The following PACS1 variants were observed in gnomAD, a reference collection of about 807,000 sequenced individuals.
The protein encoded by PACS1 is phosphofurin acidic cluster sorting protein 1.
PACS1 carries 24 observed loss-of-function variants against 115.0 expected under a neutral mutation model. The ratio of observed to expected loss-of-function variants is 0.21; its 90% confidence interval spans 0.15 to 0.29. The LOEUF (loss-of-function observed/expected upper bound fraction) is 0.29, where lower values mean the gene tolerates loss of function less well. PACS1 is among the 10% of genes least tolerant of loss of function. PACS1 has a pLI of 1.00. For synonymous variants in PACS1, 453 were observed against 504.5 expected, an observed-to-expected ratio of 0.90 and a Z score of 1.37; for missense variants, 838 against 1,251.2, an observed-to-expected ratio of 0.67 and a Z score of 4.98.
At position 66,070,400 on chromosome 11, in the gene PACS1, C is replaced by A; in HGVS notation, c.-87C>A. 1.2e-6 allele frequency: 1 copy of A among 813,766 alleles called. No individual in the cohort carries two copies. Among genetic ancestry groups the A allele is most frequent in the Non-Finnish European group, 1.6e-6 (1 of 620,858 alleles). The allele number at this position is 813,766 out of a possible 1,614,324, so 50.4% of individuals were successfully genotyped here. A position where few individuals can be genotyped will look rare whatever the true frequency, so the allele number is the denominator to read the frequency against. ...TCGGGCAGGCGGGCTGAGGAGGCTG[C>A]CGCGCCCCCGCCGCCGCCGCCGCGG... On this transcript the variant is annotated 5_prime_UTR_variant, in exon 1 of 24. Transcript: ENST00000320580. The surrounding 1 kb of genome is among the most constrained non-coding windows in gnomAD (Gnocchi z 5.9).
chr11:66,164,789 T>C (rs1242384615), intron 1 of PACS1, among the ~76,000 whole-genome samples: 3 of 151,434 alleles, frequency 2.0e-5, no homozygotes, highest in African/African-American at 7.3e-5. Flanking sequence ...AAACATTGTT[T>C]ATAGTTTGTT....
intron 13 of PACS1, 37 bp from the exon 14 acceptor site, chr11:66,232,135 A>T: frequency 2.2e-6 from 3 of 1,363,250 alleles, no homozygotes; most frequent in Non-Finnish European, 3.2e-6. Flanking sequence ...CTCCCCAGGG[A>T]CTCCCTAACA....
chr11:66,206,777 A>G (rs1854949846), intron 2 of PACS1, among the ~76,000 whole-genome samples: 1 of 152,134 alleles, frequency 6.6e-6, no homozygotes, highest in South Asian at 2.1e-4. Context: ...AAAGACTTTG[A>G]GGGAGGTGAG....
chr11:66,235,156 T>C lies in PACS1; in HGVS notation c.2105-145T>C. On this transcript the variant is annotated intron_variant, in intron 17 of 23. Coordinates refer to ENST00000320580, the MANE Select transcript of PACS1 (RefSeq NM_018026.4). The surrounding 1 kb of genome is among the most constrained non-coding windows in gnomAD (Gnocchi z 5.6). ...GACCATCCTTGGGCTCATGATTCCT[T>C]CAAACCAGAAGGACCGTAGAGCCCC... 1.6e-6 allele frequency: 1 copy of C among 617,970 alleles called. No individual in the cohort carries two copies. Among genetic ancestry groups the C allele is most frequent in the South Asian group, 2.0e-5 (1 of 49,580 alleles). The allele number at this position is 617,970 out of a possible 1,614,324, so 38.3% of individuals were successfully genotyped here. A position where few individuals can be genotyped will look rare whatever the true frequency, so the allele number is the denominator to read the frequency against.
intron 1 of PACS1, among the ~76,000 whole-genome samples, chr11:66,112,557 G>C (rs1858213498): frequency 6.6e-6 from 1 of 152,086 alleles, no homozygotes; most frequent in Admixed American, 6.6e-5. Flanking sequence ...TTTTGTTTGT[G>C]TGTTTTACAG....
intron 1 of PACS1, among the ~76,000 whole-genome samples, chr11:66,103,093 A>G (rs1016311297): frequency 5.9e-5 from 9 of 152,228 alleles, no homozygotes; most frequent in African/African-American, 2.2e-4. Context: ...GGCCTCTGAA[A>G]GTGCTGGGAT....
Position 66,070,462 on chromosome 11 carries a change from TC to T in PACS1, c.-23del, listed in dbSNP as rs892591148. On this transcript the variant is annotated 5_prime_UTR_variant, in exon 1 of 24. Transcript: ENST00000320580. The surrounding 1 kb of genome is among the most constrained non-coding windows in gnomAD (Gnocchi z 5.9). Reference sequence around the variant, plus strand: ...GAGCCAGATCGGCGTCGCCTCGGCCTCCGTAACCCCCGCCTAGCCGGGCCAT... The same window carrying T: ...GAGCCAGATCGGCGTCGCCTCGGCCTCGTAACCCCCGCCTAGCCGGGCCAT... 6 of 1,228,042 alleles carry T rather than the reference TC, an allele frequency of 4.9e-6. No individual in the cohort carries two copies. In the African/African-American group the frequency reaches 9.6e-5, roughly 20 times the overall value. The allele number at this position is 1,228,042 out of a possible 1,614,324, so 76.1% of individuals were successfully genotyped here.
At chr11:66,202,745 ATATATATATATATATATAT>A (rs1854842822) in intron 2 of PACS1, among the ~76,000 whole-genome samples, 7 of 30,720 alleles carry the variant, frequency 2.3e-4, no homozygotes, top group African/African-American at 4.1e-4. Context: ...AAAAAAAAAT[ATATATATATATATATATAT>A]ATATATATAT....
intron 1 of PACS1, among the ~76,000 whole-genome samples, chr11:66,187,339 C>T (rs1451628072): frequency 6.6e-6 from 1 of 152,174 alleles, no homozygotes; most frequent in African/African-American, 2.4e-5. Context: ...GACTCTCCTC[C>T]TCCTAGCTAT....
At chr11:66,239,007 TGG>T in intron 20 of PACS1, 133 bp from the exon 21 acceptor site, 7 of 1,419,226 alleles carry the variant, frequency 4.9e-6, no homozygotes, top group Non-Finnish European at 5.9e-6. Flanking sequence ...CGGTGGTGGC[TGG>T]GGGAGGTGGA....
chr11:66,189,490 A>G (rs560776918), intron 1 of PACS1, among the ~76,000 whole-genome samples: 2 of 152,380 alleles, frequency 1.3e-5, no homozygotes, highest in South Asian at 4.1e-4. Flanking sequence ...TATGTTATGT[A>G]AGAGCCTTCT....
At chr11:66,194,875 C>T (rs1440298118) in intron 2 of PACS1, among the ~76,000 whole-genome samples, 5 of 152,206 alleles carry the variant, frequency 3.3e-5, no homozygotes, top group Non-Finnish European at 7.3e-5. Flanking sequence ...TGAGGTGCCT[C>T]GGCCTCTTTC....
intron 1 of PACS1, among the ~76,000 whole-genome samples, chr11:66,134,886 C>A (rs1858808429): frequency 6.6e-6 from 1 of 152,094 alleles, no homozygotes; most frequent in Non-Finnish European, 1.5e-5. Flanking sequence ...TTTCTTGTTT[C>A]TTCCTTATTT....
At chr11:66,122,760 G>C (rs1033028997) in intron 1 of PACS1, among the ~76,000 whole-genome samples, 2 of 152,216 alleles carry the variant, frequency 1.3e-5, no homozygotes, top group African/African-American at 4.8e-5. Context: ...GTAATCTCGA[G>C]ATAAAATTTG....
intron 2 of PACS1, among the ~76,000 whole-genome samples, chr11:66,197,316 G>T (rs1287026377): frequency 6.6e-6 from 1 of 151,826 alleles, no homozygotes; most frequent in South Asian, 2.1e-4. Flanking sequence ...AATTAAATTC[G>T]ACTTCAGATT....
chr11:66,156,289 C>A (rs1325835570), intron 1 of PACS1, among the ~76,000 whole-genome samples: 2 of 139,232 alleles, frequency 1.4e-5, no homozygotes, highest in Non-Finnish European at 3.1e-5. Context: ...CTTGCTCTGT[C>A]CCCCAGGCTG....
chr11:66,133,593 G>A (rs1858753998), intron 1 of PACS1, among the ~76,000 whole-genome samples: 1 of 152,190 alleles, frequency 6.6e-6, no homozygotes. Context: ...ATAGCTCACT[G>A]CAGCCTCCGA....
intron 2 of PACS1, among the ~76,000 whole-genome samples, chr11:66,208,951 A>G (rs1023230877): frequency 2.6e-5 from 4 of 152,082 alleles, no homozygotes; most frequent in African/African-American, 9.7e-5. Flanking sequence ...TTTTATTGGT[A>G]TTAATTTTAA....
intron 1 of PACS1, among the ~76,000 whole-genome samples, chr11:66,127,748 A>G (rs1393108981): frequency 6.6e-6 from 1 of 152,152 alleles, no homozygotes; most frequent in African/African-American, 2.4e-5. Context: ...ACTTTTCTAG[A>G]TTAAATCGTC....
Sources: allele counts gnomAD v4.1 joint callset (sites outside exome capture counted in the v4.1 genomes callset), GRCh38; gene constraint gnomAD v4.1.1; non-coding constraint Gnocchi (gnomAD v3.1); transcripts MANE v1.5; gene names NCBI Gene and HGNC (gene_info 2026-07-23, HGNC 2026-07-21).